Variants in SRP68 observed in about 807,000 individuals in gnomAD.
SRP68 encodes the protein signal recognition particle 68.
In SRP68, 15 loss-of-function variants were observed where a neutral mutation model predicts 82.2. The observed-to-expected ratio is 0.18, with a 90% CI of 0.12 to 0.28. The LOEUF (loss-of-function observed/expected upper bound fraction) is 0.28. Ranked by LOEUF, SRP68 falls within the 10% of genes least tolerant of loss-of-function variation. SRP68 has a pLI of 1.00. For synonymous variants in SRP68, 261 were observed against 292.6 expected, an observed-to-expected ratio of 0.89 and a Z score of 1.10; for missense variants, 595 against 780.5, an observed-to-expected ratio of 0.76 and a Z score of 2.83.
rs775112377 is a variant in SRP68 at position 76,072,493 on chromosome 17, T to C, written c.-2A>G. 41 of 1,583,212 alleles carry C rather than the reference T, an allele frequency of 2.6e-5. No homozygotes were observed. Among genetic ancestry groups the C allele is most frequent in the African/African-American group, 4.1e-5 (3 of 74,072 alleles). ...TGGGACCTGCTTCTCAGCAGCCATCTTGCCCCTGCGCCGCAGAGCAAGACG... is the reference window on the plus strand; with the variant it reads ...TGGGACCTGCTTCTCAGCAGCCATCCTGCCCCTGCGCCGCAGAGCAAGACG... On this transcript the variant is annotated 5_prime_UTR_variant, in exon 1 of 16. Coordinates refer to ENST00000307877, the MANE Select transcript of SRP68 (RefSeq NM_014230.4). The surrounding 1 kb of genome is among the most constrained non-coding windows in gnomAD (Gnocchi z 4.5).
intron 8 of SRP68, among the ~76,000 whole-genome samples, chr17:76,055,307 T>C (rs1178703427): frequency 6.6e-6 from 1 of 152,060 alleles, no homozygotes; most frequent in Non-Finnish European, 1.5e-5. Context: ...TTCAATAGTT[T>C]TGGGGGAACA....
chr17:76,050,457 C>T lies in SRP68; in HGVS notation c.1048G>A (p.Val350Met), dbSNP rs1432320620. 1 of 1,613,966 alleles carries T rather than the reference C, an allele frequency of 6.2e-7. No homozygotes were observed. The highest frequency in any genetic ancestry group is 2.2e-5 in the East Asian group (1 of 44,836). Reference protein sequence around the residue: ...MLSECRDAIQVVREELKPDQK... With the variant: ...MLSECRDAIQMVREELKPDQK... ...TCTGGCTTGAGCTCCTCCCGAACCA[C>T]CTGGATGGCGTCCCGACACTCGCTG... is the stretch of plus-strand genomic sequence containing the variant. The change falls in exon 9 of 16, where the codon GTG (valine) becomes ATG (methionine). Residue 350 changes from valine (V) to methionine (M), a missense_variant. Physicochemically the swap from Val to Met is conservative, Grantham distance 21. Transcript: ENST00000307877.
In SRP68 at chr17:76,039,754, C is replaced by T. The variant is rs1285553621; in HGVS notation, c.1836G>A (p.Lys612=). Residue 612 remains lysine, a synonymous_variant, in exon 16 of 16, where the codon AAG becomes AAA. Coordinates refer to ENST00000307877, the MANE Select transcript of SRP68 (RefSeq NM_014230.4). The stretch of plus-strand genomic sequence containing the variant: ...CCTTGATGTATCCAGTGAGGCCACT[C>T]TTGGTCTTCTGTTCCAACTTGTCCT... The part of the protein sequence containing the change: ...PLEDKLEQKT[K]SGLTGYIKGI... The T allele has an allele frequency of 3.7e-6, 6 of 1,614,254 alleles. No homozygotes were observed. The highest frequency in any genetic ancestry group is 1.3e-5 in the African/African-American group (1 of 75,064).
intron 12 of SRP68, among the ~76,000 whole-genome samples, 190 bp from the exon 13 acceptor site, chr17:76,044,148 C>CA (rs777685697): frequency 7.2e-5 from 11 of 152,174 alleles, no homozygotes; most frequent in Non-Finnish European, 4.4e-5. Flanking sequence ...TCCCAGCAAT[C>CA]AGAGATGCCC....
chr17:76,062,131 A>C (rs1183869198), intron 4 of SRP68, among the ~76,000 whole-genome samples: 2 of 151,782 alleles, frequency 1.3e-5, no homozygotes, highest in African/African-American at 4.8e-5. Flanking sequence ...CTAAAAATAC[A>C]AAAAAATTAG....
At chr17:76,046,482 A>C (rs1450712971) in intron 10 of SRP68, among the ~76,000 whole-genome samples, 3 of 151,414 alleles carry the variant, frequency 2.0e-5, no homozygotes, top group Non-Finnish European at 4.4e-5. Flanking sequence ...AAAAAAAAAA[A>C]AACAAAAAAC....
chr17:76,065,055 A>G (rs1386830298), intron 3 of SRP68, among the ~76,000 whole-genome samples: 8 of 152,004 alleles, frequency 5.3e-5, no homozygotes. Context: ...GTCGTTAACT[A>G]CTTTATTATT....
chr17:76,048,099 C>A, intron 9 of SRP68, 129 bp from the exon 10 acceptor site: 1 of 438,178 alleles, frequency 2.3e-6, no homozygotes, highest in African/African-American at 2.0e-5. Flanking sequence ...CAGGAGTCCT[C>A]AAATATCAAA....
intron 3 of SRP68, among the ~76,000 whole-genome samples, chr17:76,066,462 A>C (rs970152190): frequency 9.3e-5 from 11 of 117,702 alleles, no homozygotes; most frequent in East Asian, 9.2e-4. Context: ...AAAAAAAAAA[A>C]AACACACCAC....
At chr17:76,061,760 G>T in intron 4 of SRP68, 186 bp from the exon 5 acceptor site, 1 of 455,438 alleles carries the variant, frequency 2.2e-6, no homozygotes, top group Non-Finnish European at 4.0e-6. Context: ...CACAGTTGAA[G>T]ACAAGCCAGG....
At chr17:76,070,079 A>C (rs186090914) in intron 2 of SRP68, among the ~76,000 whole-genome samples, 1 of 151,858 alleles carries the variant, frequency 6.6e-6, no homozygotes, top group African/African-American at 2.4e-5. Flanking sequence ...TCCATCTCAA[A>C]AAACAAACAA....
chr17:76,045,504 G>A (rs2066623833), intron 11 of SRP68, 118 bp from the exon 12 acceptor site: 4 of 708,974 alleles, frequency 5.6e-6, no homozygotes, highest in Admixed American at 2.8e-5. Context: ...AGGTCAATAC[G>A]ATGGGGAAAA....
intron 9 of SRP68, 76 bp downstream of exon 9, chr17:76,050,352 G>T: frequency 3.9e-6 from 4 of 1,030,752 alleles, no homozygotes; most frequent in Non-Finnish European, 4.6e-6. Context: ...AGAGCACTGG[G>T]GTCCACCTGA....
At chr17:76,040,755 C>A in intron 14 of SRP68, 148 bp downstream of exon 14, 1 of 764,996 alleles carries the variant, frequency 1.3e-6, no homozygotes, top group Non-Finnish European at 2.2e-6. Flanking sequence ...CAATCTGATG[C>A]CCAGCTGGCA....
chr17:76,039,844 C>A lies in SRP68; in HGVS notation c.1746G>T (p.Gln582His). The stretch of plus-strand genomic sequence containing the variant: ...AGAACAAAGGCTTGCAGGGAATGGG[C>A]TGGAAGCCTGGTGGGAAGTGCACAA... The part of the protein sequence containing the change: ...ANLVHFPPGF[Q>H]PIPCKPLFFD... The change falls in exon 16 of 16, where the codon CAG becomes CAT. Residue 582 changes from glutamine to histidine, a missense_variant. Around this residue, in one of 2 missense-constraint regions of SRP68, gnomAD observed 495 missense variants for 688.6 expected, o/e 0.72. Coordinates refer to ENST00000307877, the MANE Select transcript of SRP68 (RefSeq NM_014230.4). 1 of 1,614,226 alleles carries A rather than the reference C, an allele frequency of 6.2e-7. No individual in the cohort carries two copies. Among genetic ancestry groups the A allele is most frequent in the Non-Finnish European group, 8.5e-7 (1 of 1,180,046 alleles).
intron 3 of SRP68, among the ~76,000 whole-genome samples, chr17:76,065,805 C>T (rs575210417): frequency 1.3e-5 from 2 of 152,130 alleles, no homozygotes; most frequent in East Asian, 3.9e-4. Context: ...AAATGATATA[C>T]AACATTGCAC....
At chr17:76,055,896 C>A (rs944508971) in intron 8 of SRP68, among the ~76,000 whole-genome samples, 41 of 145,604 alleles carry the variant, frequency 2.8e-4, no homozygotes, top group African/African-American at 1.0e-3. Flanking sequence ...CAGCCTCAAG[C>A]TCCCGGGCTC....
chr17:76,062,364 G>C (rs919255244), intron 4 of SRP68, among the ~76,000 whole-genome samples: 3 of 147,370 alleles, frequency 2.0e-5, no homozygotes, highest in Admixed American at 7.1e-5. Flanking sequence ...GCCATGGCAG[G>C]AGGACTGCAT....
At position 76,072,247 on chromosome 17, in the gene SRP68, C is replaced by A; in HGVS notation, c.184+61G>T. 1.2e-6 allele frequency: 2 copies of A among 1,600,554 alleles called. No individual in the cohort carries two copies. Among genetic ancestry groups the A allele is most frequent in the Non-Finnish European group, 1.7e-6 (2 of 1,176,130 alleles). ...TTGTCGGGACCCGCCGCCTCTCCCG[C>A]CCCCAGCCCTCCAGTTCGACACGTA... On this transcript the variant is annotated intron_variant, in intron 1 of 15. Coordinates refer to ENST00000307877, the MANE Select transcript of SRP68 (RefSeq NM_014230.4). This position sits in a 1 kb window ranked among gnomAD's most constrained non-coding sequence, Gnocchi z 4.5.
Sources: gnomAD v4.1 joint callset for allele counts (sites outside exome capture counted in the v4.1 genomes callset) on GRCh38, gnomAD v4.1.1 for gene constraint, gnomAD v4.1.1 regional missense constraint, Gnocchi (gnomAD v3.1) non-coding constraint, MANE v1.5 for transcripts, NCBI Gene and HGNC (gene_info 2026-07-23, HGNC 2026-07-21) for gene names.